Variants in ARHGAP8 observed in about 807,000 individuals in gnomAD.
ARHGAP8 encodes Rho GTPase activating protein 8.
In ARHGAP8, 62 loss-of-function variants were observed where a neutral mutation model predicts 46.1. That is an observed-to-expected ratio of 1.34 (90% CI 1.10 to 1.66). The LOEUF is 1.66. Among genes scored for constraint, ARHGAP8 ranks in the 40% most tolerant of loss-of-function variants. The pLI, the probability that ARHGAP8 is intolerant of heterozygous loss-of-function variation, is 0.00. For synonymous variants in ARHGAP8, 375 were observed against 243.1 expected (o/e 1.54, Z -5.05); for missense variants, 923 against 568.4 (o/e 1.62, Z -6.34).
chr22:44,776,353 G>A (rs1465050480), intron 1 of ARHGAP8, among the ~76,000 whole-genome samples: 2 of 151,950 alleles, frequency 1.3e-5, no homozygotes, highest in East Asian at 1.9e-4. Context: ...TCGGGAGGCC[G>A]AGGCAGGAGA....
intron 7 of ARHGAP8, among the ~76,000 whole-genome samples, chr22:44,844,205 C>T (rs746291072): frequency 1.3e-5 from 2 of 152,052 alleles, no homozygotes; most frequent in African/African-American, 4.8e-5. Context: ...CTCCTGACCT[C>T]GTGGTCTGTC....
chr22:44,782,193 T>C (rs1426465486), intron 1 of ARHGAP8, among the ~76,000 whole-genome samples: 1 of 151,962 alleles, frequency 6.6e-6, no homozygotes, highest in Non-Finnish European at 1.5e-5. Context: ...AAAAATTAGC[T>C]TGGCATGGTG....
chr22:44,808,226 G>C, intron 3 of ARHGAP8, 81 bp from the exon 4 acceptor site: 1 of 1,550,538 alleles, frequency 6.4e-7, no homozygotes, highest in Non-Finnish European at 8.7e-7. Context: ...GGTGACCATA[G>C]CTTCCATTAT....
chr22:44,859,633 G>A (rs2147196850), intron 10 of ARHGAP8, 98 bp from the exon 11 acceptor site: 6 of 1,332,556 alleles, frequency 4.5e-6, no homozygotes, highest in Non-Finnish European at 6.3e-6. Flanking sequence ...TCCATCCTCA[G>A]AGCTGTCCTT....
chr22:44,772,892 C>T (rs745531933), intron 1 of ARHGAP8, among the ~76,000 whole-genome samples: 2 of 145,736 alleles, frequency 1.4e-5, no homozygotes, highest in Non-Finnish European at 3.0e-5. Context: ...AATCATGTCT[C>T]ATTGCAGCCC....
chr22:44,853,259 C>T lies in ARHGAP8; in HGVS notation c.877+4199C>T, dbSNP rs1022448418. On this transcript the variant is annotated intron_variant, in intron 10 of 11. Coordinates refer to ENST00000356099, the MANE Select transcript of ARHGAP8 (RefSeq NM_181335.3). ...TCTTTGGTGATGGCACTGGGTGTTC[C>T]GGTGAACTTTCTGAGCAGACTGAGT... 1.6e-4 allele frequency among the ~76,000 whole-genome samples: 24 copies of T among 152,244 alleles called. 1 individual carries two copies. Among genetic ancestry groups the T allele is most frequent in the Admixed American group, 7.2e-4 (11 of 15,284 alleles).
At chr22:44,857,922 A>AGC (rs1163516164) in intron 10 of ARHGAP8, among the ~76,000 whole-genome samples, 5 of 77,468 alleles carry the variant, frequency 6.5e-5, no homozygotes, top group Admixed American at 1.2e-4. Context: ...CCTACTTGCC[A>AGC]GCAGGTATTC....
At chr22:44,803,968 G>A (rs977374764) in intron 3 of ARHGAP8, among the ~76,000 whole-genome samples, 21 of 151,766 alleles carry the variant, frequency 1.4e-4, no homozygotes, top group African/African-American at 4.6e-4. Context: ...ATGACCCCCA[G>A]GCCACCAGAC....
chr22:44,859,079 G>T (rs904094609), intron 10 of ARHGAP8, among the ~76,000 whole-genome samples: 11 of 150,814 alleles, frequency 7.3e-5, no homozygotes, highest in Non-Finnish European at 1.3e-4. Context: ...CCAACCCCTG[G>T]TCTAGACCAC....
At chr22:44,758,172 C>T (rs1004846379) in intron 1 of ARHGAP8, among the ~76,000 whole-genome samples, 5 of 152,112 alleles carry the variant, frequency 3.3e-5, no homozygotes, top group South Asian at 2.1e-4. Context: ...CATCTGAGGC[C>T]GGGCACGGTG....
At chr22:44,831,405 A>G (rs1403684583) in intron 7 of ARHGAP8, among the ~76,000 whole-genome samples, 1 of 152,164 alleles carries the variant, frequency 6.6e-6, no homozygotes, top group Non-Finnish European at 1.5e-5. Flanking sequence ...TGTTGAAAAG[A>G]CTTTTCCTGG....
intron 7 of ARHGAP8, 145 bp downstream of exon 7, chr22:44,825,738 C>G: frequency 9.5e-7 from 1 of 1,047,126 alleles, no homozygotes; most frequent in Admixed American, 2.9e-5. Context: ...CTGAGCTCAT[C>G]ACTGAGGCCG....
intron 10 of ARHGAP8, among the ~76,000 whole-genome samples, chr22:44,852,914 T>G (rs1367335529): frequency 6.6e-6 from 1 of 152,208 alleles, no homozygotes; most frequent in Non-Finnish European, 1.5e-5. Flanking sequence ...GCCTTTCTCC[T>G]GCCCCAGCCT....
chr22:44,861,712 T>A (rs1414282385), intron 11 of ARHGAP8, among the ~76,000 whole-genome samples: 1 of 152,154 alleles, frequency 6.6e-6, no homozygotes, highest in Non-Finnish European at 1.5e-5. Flanking sequence ...CCACATGACC[T>A]TGGGCAAGTC....
chr22:44,797,217 CT>C (rs370851544), intron 2 of ARHGAP8, among the ~76,000 whole-genome samples: 3,166 of 127,890 alleles, frequency 0.025, 93 homozygotes, highest in African/African-American at 0.077. Flanking sequence ...TGCTACTTGG[CT>C]TTTTTTTTTT....
chr22:44,826,184 T>C (rs1602231270), intron 7 of ARHGAP8, among the ~76,000 whole-genome samples: 1 of 152,182 alleles, frequency 6.6e-6, no homozygotes, highest in East Asian at 1.9e-4. Context: ...TGTATAGGCC[T>C]GGGTCCGGTA....
chr22:44,824,259 T>C (rs1225423311), intron 6 of ARHGAP8, among the ~76,000 whole-genome samples: 1 of 152,180 alleles, frequency 6.6e-6, no homozygotes, highest in Admixed American at 6.5e-5. Context: ...CCCTCTACAG[T>C]AGGCCCCTCA....
At chr22:44,840,605 G>A (rs1481291493) in intron 7 of ARHGAP8, among the ~76,000 whole-genome samples, 1 of 152,172 alleles carries the variant, frequency 6.6e-6, no homozygotes, top group Non-Finnish European at 1.5e-5. Flanking sequence ...AGATCAAGGT[G>A]CCACCAGATT....
At chr22:44,858,639 G>A (rs2070316955) in intron 10 of ARHGAP8, among the ~76,000 whole-genome samples, 1 of 147,646 alleles carries the variant, frequency 6.8e-6, no homozygotes, top group African/African-American at 2.5e-5. Context: ...CCAAAGTGTT[G>A]GGATTACAGG....
Sources: allele counts gnomAD v4.1 joint callset (sites outside exome capture counted in the v4.1 genomes callset), GRCh38; gene constraint gnomAD v4.1.1; transcripts MANE v1.5; gene names NCBI Gene and HGNC (gene_info 2026-07-23, HGNC 2026-07-21).